The following PLXNA2 variants were observed in gnomAD, a reference collection of about 807,000 sequenced individuals.
PLXNA2 encodes plexin-A2.
PLXNA2 carries 91 observed loss-of-function variants against 193.5 expected under a neutral mutation model. That is an observed-to-expected ratio of 0.47 (90% CI 0.40 to 0.56). PLXNA2 has a LOEUF of 0.56. Ranked by LOEUF, PLXNA2 falls within the 20% of genes least tolerant of loss-of-function variation. The pLI, the probability that PLXNA2 is intolerant of heterozygous loss-of-function variation, is 0.00. For missense variants in PLXNA2, 1,995 were observed against 2,503.2 expected (o/e 0.80, Z 4.33); for synonymous variants, 997 against 1,027.3 (o/e 0.97, Z 0.56).
intron 4 of PLXNA2, among the ~76,000 whole-genome samples, chr1:208,127,072 C>A (rs576168784): frequency 2.0e-5 from 3 of 152,348 alleles, no homozygotes; most frequent in South Asian, 4.1e-4. Flanking sequence ...AAGCAGGGAG[C>A]TGACTTGCAC....
Position 208,040,309 on chromosome 1 carries a change from T to C in PLXNA2, c.4287-251A>G, listed in dbSNP as rs2102315501. On this transcript the variant is annotated intron_variant, in intron 22 of 31. Coordinates refer to ENST00000367033, the MANE Select transcript of PLXNA2 (RefSeq NM_025179.4). Reference sequence around the variant, plus strand: ...TGGCCTTTTCAGCCCTGATGGTCCGTGGTGCTCTGAACTTTGGCTGCATCT... The same window carrying C: ...TGGCCTTTTCAGCCCTGATGGTCCGCGGTGCTCTGAACTTTGGCTGCATCT... 9.6e-6 allele frequency: 5 copies of C among 519,776 alleles called. No homozygotes were observed. In the South Asian group the frequency reaches 1.2e-4, roughly 12 times the overall value. 32.2% of individuals were successfully genotyped at this position (519,776 alleles called of 1,614,324 possible).
chr1:208,153,306 G>A (rs1196475622), intron 3 of PLXNA2, among the ~76,000 whole-genome samples: 2 of 152,160 alleles, frequency 1.3e-5, no homozygotes, highest in Admixed American at 6.5e-5. Context: ...ATGAGGAAAC[G>A]GAGGCATAGT....
At position 208,103,023 on chromosome 1, in the gene PLXNA2, G is replaced by A. The variant is rs181680548; in HGVS notation, c.1607+124C>T. 1.6e-4 allele frequency: 117 copies of A among 731,568 alleles called. No homozygotes were observed. In the African/African-American group the frequency reaches 1.8e-3, roughly 11 times the overall value. 45.3% of individuals were successfully genotyped at this position (731,568 alleles called of 1,614,324 possible). On this transcript the variant is annotated intron_variant, in intron 5 of 31. Coordinates refer to ENST00000367033, the MANE Select transcript of PLXNA2 (RefSeq NM_025179.4). ...TTCCTGCTCTCAACACTGAAGCCAC[G>A]ATTAGAATTACTGCTCTGAAGAGGA...
intron 11 of PLXNA2, among the ~76,000 whole-genome samples, chr1:208,080,964 C>T (rs1192945259): frequency 6.6e-6 from 1 of 152,186 alleles, no homozygotes; most frequent in Non-Finnish European, 1.5e-5. Context: ...CCACCCAGCC[C>T]AATGCGCAGC....
chr1:208,140,845 TTAGATTGCAATCA>T (rs1233267273), intron 4 of PLXNA2, among the ~76,000 whole-genome samples: 7 of 152,262 alleles, frequency 4.6e-5, no homozygotes, highest in African/African-American at 1.7e-4. Flanking sequence ...CTCTCTCTTG[TTAGATTGCAATCA>T]ACTTAAGGTA....
chr1:208,109,065 C>T (rs1033601993), intron 4 of PLXNA2, among the ~76,000 whole-genome samples: 1 of 152,212 alleles, frequency 6.6e-6, no homozygotes, highest in African/African-American at 2.4e-5. Context: ...GATGGTACAC[C>T]TGTCCTCACA....
chr1:208,197,974 G>C (rs530703200), intron 3 of PLXNA2, among the ~76,000 whole-genome samples: 1 of 152,080 alleles, frequency 6.6e-6, no homozygotes, highest in Non-Finnish European at 1.5e-5. Flanking sequence ...TCCCAGGTGC[G>C]CCCCATTAGC....
chr1:208,100,441 G>A (rs373820311), intron 5 of PLXNA2, among the ~76,000 whole-genome samples: 2 of 152,092 alleles, frequency 1.3e-5, no homozygotes, highest in South Asian at 2.1e-4. Context: ...CTTAGAAAAT[G>A]GCCTGGCGCA....
At chr1:208,089,992 A>G (rs1666657561) in intron 9 of PLXNA2, among the ~76,000 whole-genome samples, 1 of 152,184 alleles carries the variant, frequency 6.6e-6, no homozygotes, top group African/African-American at 2.4e-5. Context: ...AACTTTGGAC[A>G]GAAAAGAGGG....
intron 12 of PLXNA2, among the ~76,000 whole-genome samples, chr1:208,073,986 A>G (rs1006521285): frequency 1.3e-5 from 2 of 152,174 alleles, no homozygotes; most frequent in African/African-American, 4.8e-5. Context: ...ACCTCCAAAT[A>G]TATTCAGGTT....
At chr1:208,198,534 G>A (rs1670432642) in intron 3 of PLXNA2, among the ~76,000 whole-genome samples, 2 of 152,210 alleles carry the variant, frequency 1.3e-5, no homozygotes, top group African/African-American at 4.8e-5. Context: ...GGCACAAAAG[G>A]CTGCCACCCC....
intron 9 of PLXNA2, among the ~76,000 whole-genome samples, chr1:208,088,007 T>C (rs1337513649): frequency 2.6e-5 from 4 of 152,206 alleles, no homozygotes; most frequent in Non-Finnish European, 5.9e-5. Context: ...TCCTGCAGAA[T>C]GTTAAGACTG....
chr1:208,142,581 C>G lies in PLXNA2; in HGVS notation c.1372-118G>C, dbSNP rs374794950. 4.5e-5 allele frequency: 43 copies of G among 963,400 alleles called. No homozygotes were observed. The East Asian group carries it at 1.0e-3, about 23-fold the overall frequency. 59.7% of individuals were successfully genotyped at this position (963,400 alleles called of 1,614,324 possible). A position where few individuals can be genotyped will look rare whatever the true frequency, so the allele number is the denominator to read the frequency against. Reference sequence around the variant, plus strand: ...CCATTGCTAACCCCCAGTCACTACTCCATAGACTGAAGTGCCACTTCTTTT... The same window carrying G: ...CCATTGCTAACCCCCAGTCACTACTGCATAGACTGAAGTGCCACTTCTTTT... On this transcript the variant is annotated intron_variant, in intron 3 of 31. Transcript: ENST00000367033.
rs2102628684 is a variant in PLXNA2, at chr1:208,225,767, T to A, written c.-80-7765A>T. On this transcript the variant is annotated intron_variant, in intron 1 of 31. Coordinates refer to ENST00000367033, the MANE Select transcript of PLXNA2 (RefSeq NM_025179.4). ...CAGGTGATGTAAAGAGACATCCACA[T>A]CCTCATCTGACCATCTACAAGCTCA... Among the ~76,000 whole-genome samples, 2 of 152,280 alleles carry A rather than the reference T, an allele frequency of 1.3e-5. 1 individual carries two copies. Among genetic ancestry groups the A allele is most frequent in the South Asian group, 4.1e-4 (2 of 4,826 alleles).
chr1:208,237,323 A>T (rs1671894897), intron 1 of PLXNA2, among the ~76,000 whole-genome samples: 1 of 152,206 alleles, frequency 6.6e-6, no homozygotes, highest in Non-Finnish European at 1.5e-5. Flanking sequence ...TCATTCAGAT[A>T]AGAGTAGATG....
chr1:208,089,596 AT>A (rs1175511363), intron 9 of PLXNA2, among the ~76,000 whole-genome samples: 1 of 152,186 alleles, frequency 6.6e-6, no homozygotes. Context: ...TTCCCAGGTG[AT>A]GCTGATGCTG....
chr1:208,045,312 C>A (rs976672666), intron 18 of PLXNA2, 102 bp from the exon 19 acceptor site: 11 of 1,241,068 alleles, frequency 8.9e-6, no homozygotes, highest in Admixed American at 2.0e-5. Flanking sequence ...GGCAGCAGTG[C>A]AAAAACCAGG....
At position 208,096,894 on chromosome 1, in the gene PLXNA2, A is replaced by T. The variant is rs747445368; in HGVS notation, c.1732-11T>A. 1 of 1,611,088 alleles carries T rather than the reference A, an allele frequency of 6.2e-7. No homozygotes were observed. Among genetic ancestry groups the T allele is most frequent in the East Asian group, 2.2e-5 (1 of 44,816 alleles). ...CACTACCAGGCTAAGCTGTGGGAGG[A>T]GCAAAGAGATGATGCCAAAGAAATG... On this transcript the variant is annotated splice_polypyrimidine_tract_variant and intron_variant, in intron 6 of 31. Transcript: ENST00000367033.
At chr1:208,164,937 G>T (rs932304466) in intron 3 of PLXNA2, among the ~76,000 whole-genome samples, 1 of 152,382 alleles carries the variant, frequency 6.6e-6, no homozygotes, top group South Asian at 2.1e-4. Context: ...CTTAGGTGGG[G>T]GCCTTGCCAG....
Sources: allele counts gnomAD v4.1 joint callset (sites outside exome capture counted in the v4.1 genomes callset), GRCh38; gene constraint gnomAD v4.1.1; transcripts MANE v1.5; gene names NCBI Gene and HGNC (gene_info 2026-07-23, HGNC 2026-07-21).